The following NRG3 variants were observed in gnomAD, a reference collection of about 807,000 sequenced individuals.
The protein encoded by NRG3 is neuregulin 3, also known as pro-neuregulin-3, membrane-bound isoform.
In NRG3, 31 loss-of-function variants were observed where a neutral mutation model predicts 66.9. The ratio of observed to expected loss-of-function variants is 0.46; its 90% CI spans 0.35 to 0.63. The LOEUF is 0.63. Ranked by LOEUF, NRG3 falls within the 20% of genes least tolerant of loss-of-function variation. The pLI, the probability that NRG3 is intolerant of heterozygous loss-of-function variation, is 0.00. For missense variants in NRG3, 910 were observed against 878.9 expected, an observed-to-expected ratio of 1.04 and a Z score of -0.45; for synonymous variants, 393 against 359.4, an observed-to-expected ratio of 1.09 and a Z score of -1.06.
At chr10:82,758,870 T>C (rs984182114) in intron 3 of NRG3, among the ~76,000 whole-genome samples, 2 of 151,774 alleles carry the variant, frequency 1.3e-5, no homozygotes, top group Admixed American at 6.6e-5. Context: ...GGCTGGCTCA[T>C]TACATTCAGT....
intron 2 of NRG3, among the ~76,000 whole-genome samples, chr10:82,684,187 C>T (rs1423404026): frequency 6.6e-6 from 1 of 152,212 alleles, no homozygotes; most frequent in East Asian, 1.9e-4. Flanking sequence ...ATTGAGAAAG[C>T]ATCCCATTCC....
chr10:82,689,195 A>C (rs930689218), intron 2 of NRG3, among the ~76,000 whole-genome samples: 1 of 152,144 alleles, frequency 6.6e-6, no homozygotes, highest in Non-Finnish European at 1.5e-5. Context: ...TGATTTTTTG[A>C]GAGGAAAAAG....
intron 1 of NRG3, among the ~76,000 whole-genome samples, chr10:82,103,368 A>T (rs953737552): frequency 1.3e-5 from 2 of 152,172 alleles, no homozygotes. Context: ...GACATTATGG[A>T]TCTTTCAAAA....
At chr10:82,333,440 G>A (rs1297413887) in intron 1 of NRG3, among the ~76,000 whole-genome samples, 1 of 152,300 alleles carries the variant, frequency 6.6e-6, no homozygotes, top group South Asian at 2.1e-4. Flanking sequence ...ATTTCAAAAG[G>A]CAGAGATTAA....
chr10:82,904,569 C>G (rs1360575816), intron 4 of NRG3, among the ~76,000 whole-genome samples: 1 of 152,030 alleles, frequency 6.6e-6, no homozygotes, highest in Admixed American at 6.6e-5. Context: ...AACAGTATTC[C>G]TCAATGTTTT....
intron 1 of NRG3, among the ~76,000 whole-genome samples, chr10:82,080,559 G>A (rs529879779): frequency 1.3e-5 from 2 of 152,116 alleles, no homozygotes; most frequent in African/African-American, 4.8e-5. Context: ...ACAGCCTGGT[G>A]ATCCCTGTCC....
intron 3 of NRG3, among the ~76,000 whole-genome samples, chr10:82,862,805 T>G (rs1468578940): frequency 1.3e-5 from 2 of 152,214 alleles, no homozygotes; most frequent in East Asian, 3.8e-4. Flanking sequence ...CTGACAATAG[T>G]CTTGCCAAAT....
intron 1 of NRG3, among the ~76,000 whole-genome samples, chr10:81,995,354 ACTT>A (rs2060897958): frequency 6.6e-6 from 1 of 152,076 alleles, no homozygotes; most frequent in Non-Finnish European, 1.5e-5. Context: ...GCTTTCCTGC[ACTT>A]CTTCTCGTAG....
intron 1 of NRG3, among the ~76,000 whole-genome samples, chr10:82,297,785 G>T (rs952873941): frequency 6.6e-6 from 1 of 151,932 alleles, no homozygotes; most frequent in East Asian, 1.9e-4. Flanking sequence ...CTTTTTTATT[G>T]TATACATTGT....
chr10:82,264,826 G>C (rs377708970), intron 1 of NRG3, among the ~76,000 whole-genome samples: 1 of 152,106 alleles, frequency 6.6e-6, no homozygotes, highest in South Asian at 2.1e-4. Context: ...TTGCCTGTTG[G>C]ACACTTAAGG....
At chr10:82,030,200 C>G (rs2062499382) in intron 1 of NRG3, among the ~76,000 whole-genome samples, 2 of 151,914 alleles carry the variant, frequency 1.3e-5, no homozygotes, top group Admixed American at 1.3e-4. Context: ...CAAAAATGTC[C>G]CATAGAGAAA....
At position 82,636,606 on chromosome 10, in the gene NRG3, T is replaced by G. The variant is rs1047382211; in HGVS notation, c.954-101971T>G. On this transcript the variant is annotated intron_variant, in intron 2 of 8. Coordinates refer to ENST00000372141, the MANE Select transcript of NRG3 (RefSeq NM_001010848.4). The stretch of plus-strand genomic sequence containing the variant: ...GCAAATGGCAGGATTTCCTACTATT[T>G]AAAGGCTGAATAATATTCAGTTTCT... 1.6e-4 allele frequency among the ~76,000 whole-genome samples: 24 copies of G among 152,226 alleles called. 1 individual carries two copies. Among genetic ancestry groups the G allele is most frequent in the African/African-American group, 4.8e-4 (20 of 41,458 alleles).
At chr10:81,923,923 A>C (rs1846513143) in intron 1 of NRG3, among the ~76,000 whole-genome samples, 1 of 152,190 alleles carries the variant, frequency 6.6e-6, no homozygotes, top group Non-Finnish European at 1.5e-5. Context: ...AGCATGTAGA[A>C]ACAGGCTGCG....
Position 82,438,929 on chromosome 10 carries a change from GT to G in NRG3, c.953+80074del, listed in dbSNP as rs555348295. On this transcript the variant is annotated intron_variant, in intron 2 of 8. Coordinates refer to ENST00000372141, the MANE Select transcript of NRG3 (RefSeq NM_001010848.4). ...GGTGATGGATTCACATGCTTATTAT[GT>G]TTTTTTTTTTTTCATATGAGTCTCT... is the stretch of plus-strand genomic sequence containing the variant. Among the ~76,000 whole-genome samples, 633 of 144,024 alleles carry G rather than the reference GT, an allele frequency of 4.4e-3. 1 individual carries two copies. The highest frequency in any genetic ancestry group is 0.014 in the African/African-American group (536 of 39,474). 94.5% of individuals were successfully genotyped at this position (144,024 alleles called of 152,430 possible).
intron 2 of NRG3, among the ~76,000 whole-genome samples, chr10:82,422,191 C>T (rs1434272194): frequency 6.6e-6 from 1 of 151,800 alleles, no homozygotes; most frequent in Non-Finnish European, 1.5e-5. Flanking sequence ...CTATCCTGGA[C>T]CAGAAATCAG....
At chr10:82,749,711 C>T (rs979850803) in intron 3 of NRG3, among the ~76,000 whole-genome samples, 1 of 149,666 alleles carries the variant, frequency 6.7e-6, no homozygotes, top group African/African-American at 2.5e-5. Context: ...TGGGGACAGT[C>T]TTTTGTGAGT....
chr10:82,323,924 G>C (rs2081721184), intron 1 of NRG3, among the ~76,000 whole-genome samples: 1 of 152,100 alleles, frequency 6.6e-6, no homozygotes, highest in Admixed American at 6.6e-5. Context: ...GAGTGCAATG[G>C]TGCGATCTCG....
At chr10:82,091,081 C>G (rs6584519) in intron 1 of NRG3, among the ~76,000 whole-genome samples, 134,632 of 152,062 alleles carry the variant, frequency 0.89, 59,721 homozygotes, top group East Asian at 1. Flanking sequence ...TTTAATTTCT[C>G]CTGAGGCAAA....
At chr10:82,569,606 G>C (rs11195060) in intron 2 of NRG3, among the ~76,000 whole-genome samples, 39,258 of 151,442 alleles carry the variant, frequency 0.26, 5,423 homozygotes, top group Admixed American at 0.33. Context: ...TCCACGGAAT[G>C]CTTCTTAGAA....
Sources: allele counts gnomAD v4.1 joint callset (sites outside exome capture counted in the v4.1 genomes callset), GRCh38; gene constraint gnomAD v4.1.1; transcripts MANE v1.5; gene names NCBI Gene and HGNC (gene_info 2026-07-23, HGNC 2026-07-21).